XRRA1: variants seen among roughly 807,000 people sequenced by gnomAD.
XRRA1 encodes X-ray radiation resistance associated 1.
In XRRA1, 69 loss-of-function variants were observed where a neutral mutation model predicts 80.2. That is an observed-to-expected ratio of 0.86 (90% CI 0.71 to 1.05). XRRA1 has a LOEUF of 1.05. XRRA1 is among the 50% of genes least tolerant of loss of function. The probability of loss-of-function intolerance (pLI) is 0.00; values close to 1 mark genes in which losing one functional copy is unlikely to be tolerated. For missense variants in XRRA1, 967 were observed against 976.4 expected (o/e 0.99, Z 0.13); for synonymous variants, 348 against 389.9 (o/e 0.89, Z 1.27).
At chr11:74,925,674 A>C (rs1942043709) in intron 7 of XRRA1, among the ~76,000 whole-genome samples, 2 of 152,198 alleles carry the variant, frequency 1.3e-5, no homozygotes, top group Non-Finnish European at 2.9e-5. Context: ...AGATGCGATC[A>C]CACTATAAAG....
At chr11:74,873,247 G>A (rs1259657360) in intron 10 of XRRA1, among the ~76,000 whole-genome samples, 5 of 152,108 alleles carry the variant, frequency 3.3e-5, no homozygotes, top group East Asian at 1.9e-4. Context: ...GGGCCTCCTC[G>A]AACCTTGTAG....
intron 14 of XRRA1, among the ~76,000 whole-genome samples, chr11:74,849,964 T>C (rs578055838): frequency 6.6e-6 from 1 of 152,336 alleles, no homozygotes; most frequent in African/African-American, 2.4e-5. Flanking sequence ...AATGAGGACA[T>C]GCAGGCATCC....
intron 8 of XRRA1, among the ~76,000 whole-genome samples, chr11:74,915,402 TAACCCA>T (rs1397139330): frequency 6.6e-6 from 1 of 152,154 alleles, no homozygotes; most frequent in Non-Finnish European, 1.5e-5. Context: ...GAAGATAAGG[TAACCCA>T]ATCCATGAAT....
At chr11:74,875,233 A>C (rs1371906383) in intron 10 of XRRA1, among the ~76,000 whole-genome samples, 3 of 152,188 alleles carry the variant, frequency 2.0e-5, no homozygotes, top group Admixed American at 1.3e-4. Context: ...TAAGGAAACA[A>C]GTTAGCTGAT....
intron 11 of XRRA1, among the ~76,000 whole-genome samples, chr11:74,859,904 G>GCCACA (rs750049422): frequency 2.2e-4 from 34 of 152,014 alleles, no homozygotes; most frequent in Non-Finnish European, 4.1e-4. Context: ...AACCCAGACT[G>GCCACA]CCACAGGTTC....
Position 74,848,345 on chromosome 11 carries a change from C to G in XRRA1, c.1498G>C (p.Asp500His), listed in dbSNP as rs1410094711. Residue 500 changes from aspartate (D) to histidine (H), a missense_variant, in exon 15 of 19, where the codon GAT becomes CAT. Coordinates refer to ENST00000684022, the MANE Select transcript of XRRA1 (RefSeq NM_001378157.1). ...MLEPEAELAE[D>H]LPTTKSTSVE... The stretch of plus-strand genomic sequence containing the variant: ...GAAGTGCTTTTGGTAGTGGGCAGAT[C>G]TTCAGCCAGCTCTGCCTCTGGCTCT... 2.5e-6 allele frequency: 4 copies of G among 1,613,758 alleles called. No homozygotes were observed. Among genetic ancestry groups the G allele is most frequent in the Non-Finnish European group, 3.4e-6 (4 of 1,179,854 alleles).
At chr11:74,864,550 C>T (rs1374085400) in intron 10 of XRRA1, among the ~76,000 whole-genome samples, 1 of 152,190 alleles carries the variant, frequency 6.6e-6, no homozygotes, top group Admixed American at 6.5e-5. Context: ...ATCCACCAAG[C>T]TTGCTCCCCA....
intron 10 of XRRA1, among the ~76,000 whole-genome samples, chr11:74,895,827 A>G (rs996544717): frequency 1.3e-5 from 2 of 151,976 alleles, no homozygotes; most frequent in Admixed American, 6.5e-5. Context: ...AAAAGGGAAA[A>G]CTGCTTTCAA....
intron 7 of XRRA1, among the ~76,000 whole-genome samples, chr11:74,925,595 A>C (rs958992569): frequency 1.3e-5 from 2 of 151,648 alleles, no homozygotes; most frequent in Admixed American, 6.6e-5. Context: ...CTGCATCTTA[A>C]CTTTGGTCTG....
chr11:74,922,761 T>C (rs1044703986), intron 7 of XRRA1, among the ~76,000 whole-genome samples: 1 of 152,212 alleles, frequency 6.6e-6, no homozygotes, highest in African/African-American at 2.4e-5. Flanking sequence ...GGTGTTTAAG[T>C]CCTGACTAAC....
chr11:74,882,447 T>C (rs1162621310), intron 10 of XRRA1, among the ~76,000 whole-genome samples: 16 of 151,976 alleles, frequency 1.1e-4, no homozygotes, highest in Non-Finnish European at 1.8e-4. Context: ...TCTTTGACTT[T>C]GGTTTGAATG....
At chr11:74,849,078 C>T (rs2039092696) in intron 14 of XRRA1, among the ~76,000 whole-genome samples, 1 of 152,234 alleles carries the variant, frequency 6.6e-6, no homozygotes, top group African/African-American at 2.4e-5. Flanking sequence ...TCCCTCTCCT[C>T]CTCAGCCTCA....
chr11:74,841,393 G>A lies in XRRA1; in HGVS notation c.*1807C>T, dbSNP rs1021216961. On this transcript the variant is annotated 3_prime_UTR_variant, in exon 19 of 19. Transcript: ENST00000684022. ...GCATCTTTATACATGATTGTTAGCT[G>A]CTGTAGCTTTCTGAAGAAGATTGTA... is the stretch of plus-strand genomic sequence containing the variant. 6.6e-6 allele frequency: 1 copy of A among 152,210 alleles called. No individual in the cohort carries two copies. The highest frequency in any genetic ancestry group is 1.5e-5 in the Non-Finnish European group (1 of 68,040). The allele number at this position is 152,210 out of a possible 1,614,324, so 9.4% of individuals were successfully genotyped here. A position where few individuals can be genotyped will look rare whatever the true frequency, so the allele number is the denominator to read the frequency against.
intron 2 of XRRA1, among the ~76,000 whole-genome samples, chr11:74,941,638 A>G (rs1946361272): frequency 2.0e-5 from 3 of 152,148 alleles, no homozygotes; most frequent in African/African-American, 7.2e-5. Context: ...AGAGCCATGG[A>G]TAATTTCTGA....
chr11:74,846,053 C>T (rs1368604225), intron 15 of XRRA1: 4 of 151,988 alleles, frequency 2.6e-5, no homozygotes, highest in Non-Finnish European at 5.9e-5. Context: ...TGGTGACCTC[C>T]CAGGAGTGGG....
Position 74,871,075 on chromosome 11 carries a change from T to C in XRRA1, c.1004-8054A>G, listed in dbSNP as rs528530521. ...TCTCTCCATTAAAGGGCCTTGCAAA[T>C]ACAACTGTTATATAGTCTTTCCCAA... On this transcript the variant is annotated intron_variant, in intron 10 of 18. Transcript: ENST00000684022. Among the ~76,000 whole-genome samples, 85 of 152,280 alleles carry C rather than the reference T, an allele frequency of 5.6e-4. 1 individual carries two copies. Among genetic ancestry groups the C allele is most frequent in the Non-Finnish European group, 3.1e-4 (21 of 68,018 alleles).
At chr11:74,861,734 G>C (rs774728540) in intron 11 of XRRA1, among the ~76,000 whole-genome samples, 1 of 152,198 alleles carries the variant, frequency 6.6e-6, no homozygotes, top group African/African-American at 2.4e-5. Flanking sequence ...GTTGGGGACT[G>C]CTGCATTATA....
intron 10 of XRRA1, among the ~76,000 whole-genome samples, chr11:74,875,290 C>G (rs1050031824): frequency 6.6e-6 from 1 of 152,134 alleles, no homozygotes. Flanking sequence ...CTCAATGCAC[C>G]TGAAGCCCCC....
At chr11:74,938,129 G>C (rs1439607199) in intron 3 of XRRA1, among the ~76,000 whole-genome samples, 2 of 152,226 alleles carry the variant, frequency 1.3e-5, no homozygotes, top group Non-Finnish European at 1.5e-5. Flanking sequence ...GTGGGAACCA[G>C]CTTTGTGCCT....
Sources: allele counts gnomAD v4.1 joint callset (sites outside exome capture counted in the v4.1 genomes callset), GRCh38; gene constraint gnomAD v4.1.1; transcripts MANE v1.5; gene names NCBI Gene and HGNC (gene_info 2026-07-23, HGNC 2026-07-21).